Variants in GPAT3 observed in about 807,000 individuals in gnomAD.
GPAT3 encodes the protein glycerol-3-phosphate acyltransferase 3, also known as 1-AGP acyltransferase 9.
GPAT3 carries 53 observed loss-of-function variants against 58.8 expected under a neutral mutation model. The observed-to-expected ratio is 0.90, with a 90% CI of 0.72 to 1.13. The LOEUF is 1.13. GPAT3 is among the 50% of genes most tolerant of loss of function. The pLI is 0.00. For missense variants in GPAT3, 511 were observed against 527.6 expected (o/e 0.97, Z 0.31); for synonymous variants, 197 against 187.4 (o/e 1.05, Z -0.42).
chr4:83,601,765 TAAAC>T (rs1250255603), intron 11 of GPAT3, among the ~76,000 whole-genome samples: 5 of 152,126 alleles, frequency 3.3e-5, no homozygotes, highest in Non-Finnish European at 2.9e-5. Context: ...AATAAATAAA[TAAAC>T]AAATAAATAA....
At chr4:83,579,260 T>C (rs1726016350) in intron 2 of GPAT3, among the ~76,000 whole-genome samples, 1 of 110,458 alleles carries the variant, frequency 9.1e-6, no homozygotes, top group Non-Finnish European at 1.9e-5. Context: ...TCCCTTCCCT[T>C]CCCGCCCCTC....
rs1287483445 is a variant in GPAT3, at chr4:83,575,165, C to T, written c.209-6397C>T. ...TGCTGGGATTACAGGCGTGAGCCAC[C>T]GCGCCCGGCCAACGGACATTTCTTG... On this transcript the variant is annotated intron_variant, in intron 2 of 11. Coordinates refer to ENST00000264409, the MANE Select transcript of GPAT3 (RefSeq NM_032717.5). Among the ~76,000 whole-genome samples, 9 of 151,910 alleles carry T rather than the reference C, an allele frequency of 5.9e-5. No homozygotes were observed. In the East Asian group the frequency reaches 7.8e-4, roughly 13 times the overall value.
At position 83,581,547 on chromosome 4, in the gene GPAT3, A is replaced by T. The variant is rs1295906219; in HGVS notation, c.209-15A>T. ...TCGTATGGCATTTTCTCATGTCCTG[A>T]TGCTTTCTTTTAAGGTATTATCCAA... On this transcript the variant is annotated splice_polypyrimidine_tract_variant and intron_variant, in intron 2 of 11. Coordinates refer to ENST00000264409, the MANE Select transcript of GPAT3 (RefSeq NM_032717.5). 3 of 1,608,606 alleles carry T rather than the reference A, an allele frequency of 1.9e-6. No homozygotes were observed. The highest frequency in any genetic ancestry group is 4.5e-5 in the East Asian group (2 of 44,806).
intron 2 of GPAT3, among the ~76,000 whole-genome samples, chr4:83,579,851 A>G (rs1284356967): frequency 6.6e-6 from 1 of 152,142 alleles, no homozygotes; most frequent in East Asian, 1.9e-4. Context: ...CTGAACTATT[A>G]CAGCTCTTTC....
Position 83,566,230 on chromosome 4 carries a change from C to G in GPAT3, c.209-15332C>G, listed in dbSNP as rs112365382. On this transcript the variant is annotated intron_variant, in intron 2 of 11. Transcript: ENST00000264409. ...CATTTTTGTATTTTTGTAGAGACGGCATTTCACCATGTTGACCAGGCTGGT... is the reference window on the plus strand; with the variant it reads ...CATTTTTGTATTTTTGTAGAGACGGGATTTCACCATGTTGACCAGGCTGGT... Among the ~76,000 whole-genome samples the G allele has an allele frequency of 2.3e-3, 353 of 152,068 alleles. 4 individuals are homozygous for G. The highest frequency in any genetic ancestry group is 8.1e-3 in the African/African-American group (337 of 41,484).
At chr4:83,598,392 A>G in intron 10 of GPAT3, 1 of 725,592 alleles carries the variant, frequency 1.4e-6, no homozygotes, top group Non-Finnish European at 2.2e-6. Flanking sequence ...TGGTTTATTG[A>G]ACCTACAGAT....
At chr4:83,536,897 C>A in intron 1 of GPAT3, 134 bp downstream of exon 1, 1 of 819,182 alleles carries the variant, frequency 1.2e-6, no homozygotes, top group Non-Finnish European at 1.9e-6. Context: ...CATTTCTGTT[C>A]CTTGCCCGCA....
chr4:83,536,589 A>T lies in GPAT3; in HGVS notation c.-34A>T. 1 of 1,603,188 alleles carries T rather than the reference A, an allele frequency of 6.2e-7. No homozygotes were observed. Among genetic ancestry groups the T allele is most frequent in the South Asian group, 1.1e-5 (1 of 89,818 alleles). On this transcript the variant is annotated 5_prime_UTR_variant, in exon 1 of 12. Coordinates refer to ENST00000264409, the MANE Select transcript of GPAT3 (RefSeq NM_032717.5). ...GGACTGCTGTGGCGCTCGGCCCTCC[A>T]CTGCGGACCTCTCCTGAGTGGGTGC...
At chr4:83,575,660 C>T (rs1021212391) in intron 2 of GPAT3, among the ~76,000 whole-genome samples, 29 of 152,238 alleles carry the variant, frequency 1.9e-4, no homozygotes, top group South Asian at 1.0e-3. Flanking sequence ...GTGATCCACC[C>T]GCCTCGGCCT....
intron 2 of GPAT3, among the ~76,000 whole-genome samples, chr4:83,581,085 G>T (rs1726100440): frequency 9.7e-6 from 1 of 103,018 alleles, no homozygotes; most frequent in Admixed American, 1.4e-4. Context: ...GACGGAGCAA[G>T]ACTCCGTCTC....
At chr4:83,538,015 A>T (rs1724167883) in intron 1 of GPAT3, among the ~76,000 whole-genome samples, 1 of 152,188 alleles carries the variant, frequency 6.6e-6, no homozygotes, top group Non-Finnish European at 1.5e-5. Context: ...CTACTGTATG[A>T]ATGCTTGTTG....
At chr4:83,579,505 A>G (rs1726028031) in intron 2 of GPAT3, among the ~76,000 whole-genome samples, 1 of 151,758 alleles carries the variant, frequency 6.6e-6, no homozygotes, top group Non-Finnish European at 1.5e-5. Context: ...TTGCCCAGGT[A>G]GGTCTCAAAC....
At chr4:83,575,525 G>T (rs1725779370) in intron 2 of GPAT3, among the ~76,000 whole-genome samples, 1 of 152,054 alleles carries the variant, frequency 6.6e-6, no homozygotes, top group Admixed American at 6.5e-5. Context: ...CCATTCTCCT[G>T]CCACAGCCTC....
chr4:83,570,471 C>G (rs1196247284), intron 2 of GPAT3, among the ~76,000 whole-genome samples: 2 of 126,670 alleles, frequency 1.6e-5, no homozygotes, highest in Non-Finnish European at 3.3e-5. Context: ...TGGGAGAACT[C>G]TTTTTTTTTT....
At chr4:83,551,296 G>T (rs1172825787) in intron 2 of GPAT3, among the ~76,000 whole-genome samples, 2 of 152,004 alleles carry the variant, frequency 1.3e-5, no homozygotes, top group Non-Finnish European at 2.9e-5. Context: ...TGAGAGAAAA[G>T]AAAATATATA....
chr4:83,597,664 C>G, intron 9 of GPAT3, 149 bp downstream of exon 9: 1 of 562,164 alleles, frequency 1.8e-6, no homozygotes, highest in East Asian at 3.1e-5. Flanking sequence ...GCCTCCCCTG[C>G]TTTCTCATGT....
intron 2 of GPAT3, among the ~76,000 whole-genome samples, chr4:83,568,360 T>C (rs1346499572): frequency 6.6e-6 from 1 of 152,110 alleles, no homozygotes; most frequent in Non-Finnish European, 1.5e-5. Context: ...ATATTAAAGG[T>C]CATCATAGTT....
At chr4:83,546,968 G>A (rs1187679028) in intron 2 of GPAT3, among the ~76,000 whole-genome samples, 1 of 152,068 alleles carries the variant, frequency 6.6e-6, no homozygotes, top group East Asian at 1.9e-4. Context: ...AGTATTTGGA[G>A]TCATCTGAGA....
At chr4:83,536,902 C>A in intron 1 of GPAT3, 139 bp downstream of exon 1, 1 of 791,466 alleles carries the variant, frequency 1.3e-6, no homozygotes, top group Non-Finnish European at 2.0e-6. Context: ...CTGTTCCTTG[C>A]CCGCAGCAGT....
Sources: allele counts gnomAD v4.1 joint callset (sites outside exome capture counted in the v4.1 genomes callset), GRCh38; gene constraint gnomAD v4.1.1; transcripts MANE v1.5; gene names NCBI Gene and HGNC (gene_info 2026-07-23, HGNC 2026-07-21).